Variants in DLGAP1 observed in about 807,000 individuals in gnomAD.
DLGAP1 encodes the protein DLG associated protein 1.
In DLGAP1, 11 loss-of-function variants were observed where a neutral mutation model predicts 90.8. The ratio of observed to expected loss-of-function variants is 0.12; its 90% CI spans 0.08 to 0.20. The LOEUF is 0.20. Among genes scored for constraint, DLGAP1 ranks in the 10% least tolerant of loss-of-function variants. The probability of loss-of-function intolerance (pLI) is 1.00; values close to 1 mark genes in which losing one functional copy is unlikely to be tolerated. For missense variants in DLGAP1, 1,050 were observed against 1,333.8 expected, an observed-to-expected ratio of 0.79 and a Z score of 3.31; for synonymous variants, 558 against 540.7, an observed-to-expected ratio of 1.03 and a Z score of -0.44.
At chr18:4,297,451 CT>C (rs2080011101) in intron 1 of DLGAP1, among the ~76,000 whole-genome samples, 1 of 152,162 alleles carries the variant, frequency 6.6e-6, no homozygotes, top group Admixed American at 6.5e-5. Flanking sequence ...GGTAAAGATA[CT>C]TAATTAGAAA....
intron 7 of DLGAP1, among the ~76,000 whole-genome samples, chr18:3,706,553 C>G (rs929651811): frequency 6.6e-6 from 1 of 152,110 alleles, no homozygotes; most frequent in African/African-American, 2.4e-5. Flanking sequence ...TTTTCTTACC[C>G]AAAGCTTTCT....
intron 1 of DLGAP1, among the ~76,000 whole-genome samples, chr18:4,274,109 G>C (rs1351339473): frequency 6.6e-6 from 1 of 150,954 alleles, no homozygotes; most frequent in Non-Finnish European, 1.5e-5. Flanking sequence ...GGAAGGTTAG[G>C]TTATTTATTT....
intron 7 of DLGAP1, among the ~76,000 whole-genome samples, chr18:3,692,434 T>C (rs2060929282): frequency 6.6e-6 from 1 of 152,174 alleles, no homozygotes; most frequent in Admixed American, 6.5e-5. Context: ...TAGTTTATCC[T>C]TTTACCAGGC....
chr18:3,536,191 CTTCT>C (rs1185855037), intron 9 of DLGAP1, among the ~76,000 whole-genome samples: 9 of 148,978 alleles, frequency 6.0e-5, no homozygotes, highest in African/African-American at 7.6e-5. Flanking sequence ...TCCTTCCTTC[CTTCT>C]TTCTTTCTTT....
At chr18:4,243,306 C>T (rs551012248) in intron 1 of DLGAP1, among the ~76,000 whole-genome samples, 4 of 60,518 alleles carry the variant, frequency 6.6e-5, no homozygotes, top group East Asian at 1.2e-3. Context: ...CTTACGTAAC[C>T]GAAACAAAAC....
chr18:3,911,492 G>T (rs566761515), intron 3 of DLGAP1, among the ~76,000 whole-genome samples: 1 of 152,170 alleles, frequency 6.6e-6, no homozygotes, highest in African/African-American at 2.4e-5. Context: ...GACTCTGTCA[G>T]TAGATGGATT....
At chr18:4,109,173 G>C (rs2075925334) in intron 2 of DLGAP1, among the ~76,000 whole-genome samples, 1 of 152,072 alleles carries the variant, frequency 6.6e-6, no homozygotes, top group Admixed American at 6.5e-5. Context: ...CTGGCACTCG[G>C]GGTGTCCTTT....
chr18:4,354,374 C>G (rs569573641), intron 1 of DLGAP1, among the ~76,000 whole-genome samples: 2 of 152,244 alleles, frequency 1.3e-5, no homozygotes, highest in Admixed American at 1.3e-4. Flanking sequence ...TGCCCAAACC[C>G]AGGAAGACGG....
chr18:3,974,948 G>GA (rs1338551326), intron 3 of DLGAP1, among the ~76,000 whole-genome samples: 1 of 152,084 alleles, frequency 6.6e-6, no homozygotes, highest in African/African-American at 2.4e-5. Context: ...AATCCTGTAT[G>GA]ATTCTACTTA....
intron 1 of DLGAP1, among the ~76,000 whole-genome samples, chr18:4,286,767 A>C (rs1177001667): frequency 1.3e-5 from 2 of 152,174 alleles, no homozygotes; most frequent in African/African-American, 2.4e-5. Flanking sequence ...GGTTACAGAA[A>C]ATAAGCAAGA....
intron 3 of DLGAP1, among the ~76,000 whole-genome samples, chr18:3,967,942 AG>A (rs1335433586): frequency 7.2e-5 from 11 of 152,026 alleles, no homozygotes; most frequent in Non-Finnish European, 1.5e-5. Context: ...TTCCCTTCTT[AG>A]GACTCCTTCA....
At chr18:4,034,369 G>A (rs1244907874) in intron 2 of DLGAP1, among the ~76,000 whole-genome samples, 3 of 151,958 alleles carry the variant, frequency 2.0e-5, no homozygotes, top group Non-Finnish European at 2.9e-5. Context: ...ATTTGTCACT[G>A]TATCCATTTT....
intron 4 of DLGAP1, among the ~76,000 whole-genome samples, chr18:3,834,638 G>C (rs950297349): frequency 2.0e-5 from 3 of 152,116 alleles, no homozygotes; most frequent in Non-Finnish European, 4.4e-5. Context: ...TTGTATGTTT[G>C]ACTATATGTA....
intron 3 of DLGAP1, among the ~76,000 whole-genome samples, chr18:3,951,377 G>T (rs1243080333): frequency 2.6e-5 from 4 of 152,208 alleles, no homozygotes; most frequent in South Asian, 2.1e-4. Context: ...ATAGTGTAAA[G>T]GTGTCTCTTG....
chr18:4,162,611 C>G (rs769075165), intron 1 of DLGAP1, among the ~76,000 whole-genome samples: 3 of 152,076 alleles, frequency 2.0e-5, no homozygotes, highest in Non-Finnish European at 2.9e-5. Flanking sequence ...AGGTTCTATA[C>G]CTGATTTTAT....
At chr18:3,570,719 A>T (rs972889918) in intron 8 of DLGAP1, among the ~76,000 whole-genome samples, 5 of 151,802 alleles carry the variant, frequency 3.3e-5, no homozygotes, top group Non-Finnish European at 7.4e-5. Context: ...GCTTGAGCCC[A>T]AGAGTTAAAG....
chr18:4,207,391 C>T (rs1228974849), intron 1 of DLGAP1, among the ~76,000 whole-genome samples: 5 of 152,182 alleles, frequency 3.3e-5, no homozygotes, highest in Admixed American at 3.3e-4. Flanking sequence ...ATTATCTCCA[C>T]CTGGTCTCTC....
At chr18:3,896,760 G>A (rs1568286313) in intron 3 of DLGAP1, 2 of 152,274 alleles carry the variant, frequency 1.3e-5, no homozygotes, top group East Asian at 1.9e-4. Context: ...GTGAGTCATG[G>A]CAACCATAAT....
intron 7 of DLGAP1, among the ~76,000 whole-genome samples, chr18:3,622,300 T>A (rs28622120): frequency 0.067 from 10,223 of 151,854 alleles, 1,158 homozygotes; most frequent in African/African-American, 0.23. Context: ...AGAGACGGGG[T>A]TTCACTGTGT....
Sources: allele counts gnomAD v4.1 joint callset (sites outside exome capture counted in the v4.1 genomes callset), GRCh38; gene constraint gnomAD v4.1.1; transcripts MANE v1.5; gene names NCBI Gene and HGNC (gene_info 2026-07-23, HGNC 2026-07-21).